The following WWOX variants were observed in gnomAD, a reference collection of about 807,000 sequenced individuals.
WWOX encodes WW domain containing oxidoreductase, also known as WW domain-containing oxidoreductase.
In WWOX, 69 loss-of-function variants were observed where a neutral mutation model predicts 46.2. That is an observed-to-expected ratio of 1.49 (90% CI 1.23 to 1.82). The LOEUF (loss-of-function observed/expected upper bound fraction) is 1.82. WWOX is among the 40% of genes most tolerant of loss of function. The probability of loss-of-function intolerance (pLI) is 0.00; values close to 1 mark genes in which losing one functional copy is unlikely to be tolerated. For missense variants in WWOX, 919 were observed against 542.6 expected (o/e 1.69, Z -6.89); for synonymous variants, 359 against 202.6 (o/e 1.77, Z -6.56).
At chr16:78,638,488 G>T (rs2046628859) in intron 8 of WWOX, among the ~76,000 whole-genome samples, 1 of 151,988 alleles carries the variant, frequency 6.6e-6, no homozygotes, top group Non-Finnish European at 1.5e-5. Flanking sequence ...TGTTGGCCTT[G>T]GGCTCTGATA....
intron 8 of WWOX, among the ~76,000 whole-genome samples, chr16:79,029,902 C>T (rs867560790): frequency 1.2e-4 from 18 of 152,216 alleles, no homozygotes; most frequent in Admixed American, 2.0e-4. Context: ...GAAGCATAAA[C>T]GCATATGGTC....
At chr16:79,033,969 C>G (rs1446739998) in intron 8 of WWOX, among the ~76,000 whole-genome samples, 1 of 152,140 alleles carries the variant, frequency 6.6e-6, no homozygotes, top group Non-Finnish European at 1.5e-5. Context: ...ACTGGCCCAG[C>G]CAAGGGGTCA....
chr16:78,779,074 A>C (rs764495144), intron 8 of WWOX, among the ~76,000 whole-genome samples: 2 of 149,450 alleles, frequency 1.3e-5, no homozygotes, highest in Non-Finnish European at 3.0e-5. Flanking sequence ...ATTCATAGAG[A>C]TCACTCTATC....
intron 8 of WWOX, among the ~76,000 whole-genome samples, chr16:78,970,526 C>T (rs1054671172): frequency 6.6e-6 from 1 of 152,162 alleles, no homozygotes; most frequent in African/African-American, 2.4e-5. Context: ...TGTGTTTGAG[C>T]TAGGCTTTGA....
intron 8 of WWOX, among the ~76,000 whole-genome samples, chr16:79,050,953 A>T (rs1240762891): frequency 1.3e-5 from 2 of 152,248 alleles, no homozygotes; most frequent in African/African-American, 4.8e-5. Context: ...TACAGCCCAG[A>T]TTAGCAGCCT....
chr16:78,377,080 C>T (rs911660319), intron 5 of WWOX, among the ~76,000 whole-genome samples: 4 of 152,228 alleles, frequency 2.6e-5, no homozygotes, highest in Admixed American at 2.0e-4. Context: ...TCACTGACTT[C>T]CCCGAAGTGG....
In WWOX at chr16:78,333,877, C is replaced by T. The variant is rs62034402; in HGVS notation, c.517-52983C>T. Among the ~76,000 whole-genome samples the T allele has an allele frequency of 3.5e-3, 528 of 152,272 alleles. 1 individual carries two copies. Among genetic ancestry groups the T allele is most frequent in the East Asian group, 0.017 (86 of 5,172 alleles). The stretch of plus-strand genomic sequence containing the variant: ...AAGGTACTGTTAAAAAGAAAAAACA[C>T]AGAACAACACAGTGAGAGCAGAAAA... On this transcript the variant is annotated intron_variant, in intron 5 of 8. Coordinates refer to ENST00000566780, the MANE Select transcript of WWOX (RefSeq NM_016373.4).
At chr16:78,706,758 G>T (rs1194479992) in intron 8 of WWOX, among the ~76,000 whole-genome samples, 1 of 152,098 alleles carries the variant, frequency 6.6e-6, no homozygotes, top group Non-Finnish European at 1.5e-5. Flanking sequence ...ACCTCAGATG[G>T]TTCTTCCTGA....
At chr16:78,394,912 G>C (rs987068401) in intron 6 of WWOX, among the ~76,000 whole-genome samples, 15 of 152,300 alleles carry the variant, frequency 9.8e-5, no homozygotes, top group African/African-American at 3.1e-4. Flanking sequence ...TGGCTGTGTG[G>C]CTTTGGGCAA....
intron 8 of WWOX, among the ~76,000 whole-genome samples, chr16:79,156,206 G>A (rs2050378309): frequency 6.6e-6 from 1 of 152,142 alleles, no homozygotes; most frequent in South Asian, 2.1e-4. Flanking sequence ...CTGTTGCCCA[G>A]GCTGGAGTGC....
At chr16:78,576,741 A>G (rs2044890506) in intron 8 of WWOX, among the ~76,000 whole-genome samples, 1 of 152,136 alleles carries the variant, frequency 6.6e-6, no homozygotes, top group Non-Finnish European at 1.5e-5. Context: ...CTAAAGGGGG[A>G]TATTTCTTAA....
intron 6 of WWOX, among the ~76,000 whole-genome samples, chr16:78,406,309 T>TAA (rs1567553299): frequency 1.6e-4 from 4 of 24,890 alleles, no homozygotes; most frequent in African/African-American, 1.5e-3. Flanking sequence ...TATAAATATA[T>TAA]ATATATATAT....
intron 8 of WWOX, among the ~76,000 whole-genome samples, chr16:78,947,228 C>G (rs1162625462): frequency 6.6e-6 from 1 of 152,018 alleles, no homozygotes; most frequent in African/African-American, 2.4e-5. Flanking sequence ...TGGAGGCCTG[C>G]AAATGAGTTT....
At chr16:78,931,468 C>A (rs573462954) in intron 8 of WWOX, among the ~76,000 whole-genome samples, 2 of 152,284 alleles carry the variant, frequency 1.3e-5, no homozygotes, top group Non-Finnish European at 2.9e-5. Flanking sequence ...TCTGCATAGT[C>A]AGCAGATTTT....
intron 8 of WWOX, among the ~76,000 whole-genome samples, chr16:78,693,918 GA>G (rs2048043876): frequency 6.6e-6 from 1 of 152,058 alleles, no homozygotes; most frequent in East Asian, 1.9e-4. Context: ...CAACATTACA[GA>G]AAAAAAATCA....
At chr16:78,595,762 C>G (rs1402697213) in intron 8 of WWOX, among the ~76,000 whole-genome samples, 1 of 152,182 alleles carries the variant, frequency 6.6e-6, no homozygotes, top group Non-Finnish European at 1.5e-5. Flanking sequence ...ATTAGCATAG[C>G]CATCATCTCA....
chr16:78,115,478 C>T (rs894628171), intron 4 of WWOX, among the ~76,000 whole-genome samples: 2 of 152,142 alleles, frequency 1.3e-5, no homozygotes, highest in Admixed American at 6.5e-5. Flanking sequence ...ATTCCAATTA[C>T]CTGGGTTATT....
intron 8 of WWOX, among the ~76,000 whole-genome samples, chr16:78,478,628 T>G (rs963722416): frequency 3.3e-5 from 5 of 152,078 alleles, no homozygotes; most frequent in Non-Finnish European, 7.4e-5. Context: ...CATTAATTAT[T>G]CCAGGCCACA....
At chr16:79,012,101 T>G (rs1038161988) in intron 8 of WWOX, among the ~76,000 whole-genome samples, 1 of 152,224 alleles carries the variant, frequency 6.6e-6, no homozygotes, top group African/African-American at 2.4e-5. Context: ...AGGAGGCTTT[T>G]GCAGTGCTCT....
Sources: gnomAD v4.1 joint callset for allele counts (sites outside exome capture counted in the v4.1 genomes callset) on GRCh38, gnomAD v4.1.1 for gene constraint, MANE v1.5 for transcripts, NCBI Gene and HGNC (gene_info 2026-07-23, HGNC 2026-07-21) for gene names.